The following ARMH3 variants were observed in gnomAD, a reference collection of about 807,000 sequenced individuals.
The protein encoded by ARMH3 is armadillo-like helical domain-containing protein 3.
A neutral mutation model predicts 99.1 loss-of-function variants in ARMH3; 60 were observed. The observed-to-expected ratio is 0.61, with a 90% CI of 0.49 to 0.75. The LOEUF is 0.75. ARMH3 is among the 30% of genes least tolerant of loss of function. The probability of loss-of-function intolerance (pLI) is 0.00; values close to 1 mark genes in which losing one functional copy is unlikely to be tolerated. For synonymous variants in ARMH3, 285 were observed against 292.8 expected (o/e 0.97, Z 0.27); for missense variants, 679 against 843.1 (o/e 0.81, Z 2.41).
rs982849495 is a variant in ARMH3 at position 101,894,924 on chromosome 10, C to T, written c.1782-5434G>A. 9.3e-5 allele frequency among the ~76,000 whole-genome samples: 14 copies of T among 149,804 alleles called. No homozygotes were observed. The South Asian group carries it at 1.7e-3, about 18-fold the overall frequency. Reference sequence around the variant, plus strand: ...AGCTCTCTTGCTATCTGTCACATGACGACACAGTGAGAAGGCTGCCATCTC... The same window carrying T: ...AGCTCTCTTGCTATCTGTCACATGATGACACAGTGAGAAGGCTGCCATCTC... On this transcript the variant is annotated intron_variant, in intron 23 of 25. Transcript: ENST00000370033.
intron 21 of ARMH3, among the ~76,000 whole-genome samples, chr10:101,957,147 A>G (rs1845076865): frequency 6.6e-6 from 1 of 152,256 alleles, no homozygotes; most frequent in African/African-American, 2.4e-5. Flanking sequence ...AGCAAATGCT[A>G]CGAATCAAGA....
intron 20 of ARMH3, among the ~76,000 whole-genome samples, chr10:101,969,855 C>T (rs932975017): frequency 9.2e-5 from 14 of 152,136 alleles, no homozygotes; most frequent in African/African-American, 3.4e-4. Flanking sequence ...TGATCCTTAG[C>T]AAGTCACTTA....
chr10:102,022,512 AAAATTCCCAGG>A (rs1335209482), intron 8 of ARMH3, among the ~76,000 whole-genome samples: 2 of 149,814 alleles, frequency 1.3e-5, no homozygotes, highest in East Asian at 4.0e-4. Context: ...AAAAAAAAAA[AAAATTCCCAGG>A]TTCCTGTTTC....
intron 23 of ARMH3, among the ~76,000 whole-genome samples, chr10:101,933,137 G>T (rs577700263): frequency 1.3e-5 from 2 of 152,148 alleles, no homozygotes; most frequent in Non-Finnish European, 2.9e-5. Flanking sequence ...AGTGAGCGGA[G>T]ATTGCACCAC....
intron 24 of ARMH3, among the ~76,000 whole-genome samples, chr10:101,869,149 T>C (rs566580804): frequency 6.6e-6 from 1 of 151,912 alleles, no homozygotes; most frequent in East Asian, 1.9e-4. Context: ...AGTCAAAATA[T>C]GCAAATTTTC....
intron 8 of ARMH3, among the ~76,000 whole-genome samples, chr10:102,017,062 C>G (rs1450416493): frequency 1.3e-5 from 2 of 152,172 alleles, no homozygotes; most frequent in Non-Finnish European, 2.9e-5. Flanking sequence ...GCCTCGGTAC[C>G]TTTCTGGAAA....
At chr10:101,996,374 A>G (rs1847054088) in intron 15 of ARMH3, among the ~76,000 whole-genome samples, 1 of 152,232 alleles carries the variant, frequency 6.6e-6, no homozygotes, top group Non-Finnish European at 1.5e-5. Context: ...GGGATCTATC[A>G]ATTAAAACCT....
At chr10:101,943,054 G>C (rs938614176) in intron 22 of ARMH3, among the ~76,000 whole-genome samples, 2 of 152,126 alleles carry the variant, frequency 1.3e-5, no homozygotes, top group African/African-American at 4.8e-5. Flanking sequence ...CAACTGCCCT[G>C]CAGAAAAGTT....
At chr10:101,954,609 T>A (rs12241481) in intron 22 of ARMH3, among the ~76,000 whole-genome samples, 2,948 of 152,302 alleles carry the variant, frequency 0.019, 101 homozygotes, top group African/African-American at 0.066. Context: ...ATTACACTAC[T>A]ATATAAATTT....
chr10:101,847,486 C>T lies in ARMH3; in HGVS notation c.*42G>A. The T allele has an allele frequency of 6.3e-7, 1 of 1,590,140 alleles. No homozygotes were observed. The highest frequency in any genetic ancestry group is 1.1e-5 in the South Asian group (1 of 90,518). On this transcript the variant is annotated 3_prime_UTR_variant, in exon 26 of 26. Transcript: ENST00000370033. ...CGCTCCCCCTCCAGCCCATGATCCT[C>T]ATGGGTAAGGGCAGTCAGAGGCTGC...
intron 24 of ARMH3, among the ~76,000 whole-genome samples, chr10:101,879,154 A>C (rs2067345979): frequency 6.6e-6 from 1 of 152,148 alleles, no homozygotes; most frequent in Non-Finnish European, 1.5e-5. Flanking sequence ...TTTCCTTCAG[A>C]ATATCTGACA....
chr10:101,992,144 A>G lies in ARMH3; in HGVS notation c.1276-106T>C. Reference sequence around the variant, plus strand: ...CAAATAAAATCACTATTACAGGGATACTTCCTTTTCTTTCTCTTTTTCACA... The same window carrying G: ...CAAATAAAATCACTATTACAGGGATGCTTCCTTTTCTTTCTCTTTTTCACA... On this transcript the variant is annotated intron_variant, in intron 17 of 25. Coordinates refer to ENST00000370033, the MANE Select transcript of ARMH3 (RefSeq NM_024541.3). 3 of 949,292 alleles carry G rather than the reference A, an allele frequency of 3.2e-6. No individual in the cohort carries two copies. In the South Asian group the frequency reaches 4.0e-5, roughly 13 times the overall value. 58.8% of individuals were successfully genotyped at this position (949,292 alleles called of 1,614,324 possible).
intron 19 of ARMH3, among the ~76,000 whole-genome samples, chr10:101,975,787 G>T (rs61873610): frequency 0.049 from 7,482 of 151,646 alleles, 205 homozygotes; most frequent in Middle Eastern, 0.096. Context: ...TTGAACCCAG[G>T]AGGCAGATGT....
intron 23 of ARMH3, among the ~76,000 whole-genome samples, chr10:101,891,188 C>G (rs2067682116): frequency 6.6e-6 from 1 of 150,814 alleles, no homozygotes; most frequent in South Asian, 2.1e-4. Context: ...CTGGTAGTTT[C>G]TTTCTTTCTT....
At chr10:102,055,618 G>C (rs1170114093) in intron 1 of ARMH3, among the ~76,000 whole-genome samples, 1 of 152,220 alleles carries the variant, frequency 6.6e-6, no homozygotes, top group Non-Finnish European at 1.5e-5. Context: ...GAGAGGGACA[G>C]GACTGGAGCC....
chr10:101,850,483 G>A (rs1056808161), intron 24 of ARMH3, among the ~76,000 whole-genome samples: 3 of 149,784 alleles, frequency 2.0e-5, no homozygotes, highest in African/African-American at 7.4e-5. Flanking sequence ...GGAGTGCAGT[G>A]GTGCAATCTC....
At chr10:102,017,342 A>G (rs1032780476) in intron 8 of ARMH3, among the ~76,000 whole-genome samples, 2 of 152,132 alleles carry the variant, frequency 1.3e-5, no homozygotes, top group Admixed American at 6.5e-5. Flanking sequence ...CACTACATTA[A>G]TTCTTCTGGG....
At chr10:101,959,155 G>T (rs951120882) in intron 20 of ARMH3, among the ~76,000 whole-genome samples, 1 of 152,192 alleles carries the variant, frequency 6.6e-6, no homozygotes, top group Non-Finnish European at 1.5e-5. Context: ...CTGTTGGACT[G>T]GGGGGACAAA....
At chr10:101,896,053 C>A (rs996065930) in intron 23 of ARMH3, among the ~76,000 whole-genome samples, 3 of 152,174 alleles carry the variant, frequency 2.0e-5, no homozygotes, top group African/African-American at 7.2e-5. Flanking sequence ...TGGGGAGACC[C>A]CCATCTCTAC....
Sources: allele counts gnomAD v4.1 joint callset (sites outside exome capture counted in the v4.1 genomes callset), GRCh38; gene constraint gnomAD v4.1.1; transcripts MANE v1.5; gene names NCBI Gene and HGNC (gene_info 2026-07-23, HGNC 2026-07-21).